The following SDK2 variants were observed in gnomAD, a reference collection of about 807,000 sequenced individuals.
SDK2 encodes the protein sidekick cell adhesion molecule 2, also known as protein sidekick-2.
A neutral mutation model predicts 253.9 loss-of-function variants in SDK2; 105 were observed. That is an observed-to-expected ratio of 0.41 (90% CI 0.35 to 0.49). The LOEUF (loss-of-function observed/expected upper bound fraction) is 0.49. Among genes scored for constraint, SDK2 ranks in the 20% least tolerant of loss-of-function variants. The pLI, the probability that SDK2 is intolerant of heterozygous loss-of-function variation, is 0.06. For missense variants in SDK2, 2,608 were observed against 3,003.0 expected, an observed-to-expected ratio of 0.87 and a Z score of 3.07; for synonymous variants, 1,249 against 1,234.9, an observed-to-expected ratio of 1.01 and a Z score of -0.24.
At chr17:73,588,779 C>T (rs999840915) in intron 1 of SDK2, among the ~76,000 whole-genome samples, 4 of 152,230 alleles carry the variant, frequency 2.6e-5, no homozygotes, top group African/African-American at 4.8e-5. Flanking sequence ...TGCCTAGGGC[C>T]GGGGCGGCAC....
intron 1 of SDK2, among the ~76,000 whole-genome samples, chr17:73,593,378 A>G (rs1428702386): frequency 6.6e-6 from 1 of 152,168 alleles, no homozygotes; most frequent in Non-Finnish European, 1.5e-5. Context: ...TGGCCACAAG[A>G]GCATCCTTCC....
chr17:73,500,142 CCCTCCACTCT>C (rs1178712913), intron 2 of SDK2, among the ~76,000 whole-genome samples: 1 of 147,766 alleles, frequency 6.8e-6, no homozygotes, highest in Non-Finnish European at 1.5e-5. Flanking sequence ...CATCCATCCT[CCCTCCACTCT>C]CCTCCATTCT....
In SDK2 at chr17:73,618,802, G is replaced by A. The variant is rs943343829; in HGVS notation, c.64+25223C>T. Among the ~76,000 whole-genome samples, 14 of 152,224 alleles carry A rather than the reference G, an allele frequency of 9.2e-5. No homozygotes were observed. The highest frequency in any genetic ancestry group is 9.2e-4 in the Admixed American group (14 of 15,286). ...AGGTGGAGGGTCTGTGTCTGGCACA[G>A]CAGAGCAAATGCCTACCAGAGCACA... On this transcript the variant is annotated intron_variant, in intron 1 of 44. Coordinates refer to ENST00000392650, the MANE Select transcript of SDK2 (RefSeq NM_001144952.2). The surrounding 1 kb of genome is among the most constrained non-coding windows in gnomAD (Gnocchi z 4.1).
chr17:73,455,144 G>A lies in SDK2; in HGVS notation c.479+762C>T, dbSNP rs546692751. 4.6e-5 allele frequency among the ~76,000 whole-genome samples: 7 copies of A among 152,208 alleles called. No individual in the cohort carries two copies. The highest frequency in any genetic ancestry group is 2.1e-4 in the South Asian group (1 of 4,822). On this transcript the variant is annotated intron_variant, in intron 4 of 44. Transcript: ENST00000392650. This position sits in a 1 kb window ranked among gnomAD's most constrained non-coding sequence, Gnocchi z 5.0. ...AGGACAGGCTCAGTCCTGTGTACAC[G>A]CAGCCTGGGTAGATCAGAAGGTGGT...
chr17:73,419,728 C>A lies in SDK2; in HGVS notation c.2046-422G>T, dbSNP rs1351297129. Among the ~76,000 whole-genome samples, 114 of 19,636 alleles carry A rather than the reference C, an allele frequency of 5.8e-3. 20 individuals carry two copies. Among genetic ancestry groups the A allele is most frequent in the Middle Eastern group, 0.021 (1 of 48 alleles). The allele number at this position is 19,636 out of a possible 152,430, so 12.9% of individuals were successfully genotyped here. ...CTACCAAAAAAAACAACAAAAAAAA[C>A]CCAAAAAAACTCCCTCCTGGTGACT... On this transcript the variant is annotated intron_variant, in intron 15 of 44. Coordinates refer to ENST00000392650, the MANE Select transcript of SDK2 (RefSeq NM_001144952.2).
At chr17:73,427,225 C>T in intron 12 of SDK2, among the ~76,000 whole-genome samples, 1 of 152,182 alleles carries the variant, frequency 6.6e-6, no homozygotes, top group South Asian at 2.1e-4. Context: ...TTAGCAGTTA[C>T]TGAAATTGAA....
At chr17:73,354,350 C>T (rs1206535025) in intron 40 of SDK2, among the ~76,000 whole-genome samples, 1 of 152,210 alleles carries the variant, frequency 6.6e-6, no homozygotes, top group African/African-American at 2.4e-5. Context: ...GGACATAATT[C>T]ACCTTCATGC....
intron 2 of SDK2, among the ~76,000 whole-genome samples, chr17:73,502,750 A>G (rs1467277436): frequency 6.6e-6 from 1 of 152,232 alleles, no homozygotes; most frequent in Non-Finnish European, 1.5e-5. Flanking sequence ...AGACTCTTCA[A>G]TGGATACTAA....
At position 73,410,175 on chromosome 17, in the gene SDK2, G is replaced by A. The variant is rs543798451; in HGVS notation, c.2484+4469C>T. On this transcript the variant is annotated intron_variant, in intron 18 of 44. Transcript: ENST00000392650. Reference sequence around the variant, plus strand: ...AGCCTGACATTTCTTTTTAATGTAAGGAAAAGTGAAGGCTCTGGTTTGAAT... The same window carrying A: ...AGCCTGACATTTCTTTTTAATGTAAAGAAAAGTGAAGGCTCTGGTTTGAAT... Among the ~76,000 whole-genome samples the A allele has an allele frequency of 7.2e-5, 11 of 152,228 alleles. No individual in the cohort carries two copies. The East Asian group carries it at 2.1e-3, about 29-fold the overall frequency.
chr17:73,407,300 G>C (rs925704329), intron 18 of SDK2, among the ~76,000 whole-genome samples: 20 of 152,132 alleles, frequency 1.3e-4, no homozygotes, highest in African/African-American at 4.8e-4. Flanking sequence ...TTGCAAGGAA[G>C]CTATCAGAGA....
At chr17:73,414,261 G>C (rs1481373600) in intron 18 of SDK2, among the ~76,000 whole-genome samples, 1 of 151,942 alleles carries the variant, frequency 6.6e-6, no homozygotes, top group Non-Finnish European at 1.5e-5. Flanking sequence ...TGTTGGCCAG[G>C]CTGGTCTTGA....
chr17:73,563,844 C>G (rs985964203), intron 1 of SDK2, among the ~76,000 whole-genome samples: 1 of 151,936 alleles, frequency 6.6e-6, no homozygotes, highest in Non-Finnish European at 1.5e-5. Flanking sequence ...ACCATCATGG[C>G]TTACTGCAGC....
Position 73,511,494 on chromosome 17 carries a change from C to T in SDK2, c.65-3897G>A, listed in dbSNP as rs1454287386. Among the ~76,000 whole-genome samples the T allele has an allele frequency of 6.6e-6, 1 of 152,200 alleles. No individual in the cohort carries two copies. Among genetic ancestry groups the T allele is most frequent in the African/African-American group, 2.4e-5 (1 of 41,454 alleles). On this transcript the variant is annotated intron_variant, in intron 1 of 44. Coordinates refer to ENST00000392650, the MANE Select transcript of SDK2 (RefSeq NM_001144952.2). The surrounding 1 kb of genome is among the most constrained non-coding windows in gnomAD (Gnocchi z 4.9). ...CCAGCCTGCAGCAGAATGACTTTTG[C>T]TTGGATGGGTTGACTCCAGAGGCTG...
At position 73,395,375 on chromosome 17, in the gene SDK2, T is replaced by C. The variant is rs1193930649; in HGVS notation, c.3372A>G (p.Glu1124=). 6.2e-7 allele frequency: 1 copy of C among 1,613,892 alleles called. No individual in the cohort carries two copies. The highest frequency in any genetic ancestry group is 1.7e-5 in the Admixed American group (1 of 60,018). Residue 1124 remains glutamate (E), a synonymous_variant, in exon 25 of 45, where the codon GAA becomes GAG. Transcript: ENST00000392650. This position sits in a 1 kb window ranked among gnomAD's most constrained non-coding sequence, Gnocchi z 4.3. ...WLRWMPLPEM[E]YNGNPESVGY... is the part of the protein sequence containing the mutation. ...CCACGGACTCAGGGTTCCCATTGTA[T>C]TCCATCTCCGGGAGAGGCTGCAGCG...
chr17:73,380,879 T>C lies in SDK2; in HGVS notation c.4762+15A>G. The C allele has an allele frequency of 6.4e-7, 1 of 1,559,836 alleles. No homozygotes were observed. The highest frequency in any genetic ancestry group is 8.7e-7 in the Non-Finnish European group (1 of 1,151,820). ...GCCTGGGCCCGCGATGAAGCCACCA[T>C]GCAAGGAGACTTACTGTCCAGCTCG... On this transcript the variant is annotated intron_variant, in intron 34 of 44. Coordinates refer to ENST00000392650, the MANE Select transcript of SDK2 (RefSeq NM_001144952.2).
intron 3 of SDK2, among the ~76,000 whole-genome samples, chr17:73,462,130 T>C (rs1329292755): frequency 6.6e-6 from 1 of 152,080 alleles, no homozygotes; most frequent in African/African-American, 2.4e-5. Flanking sequence ...CATGCATGCA[T>C]GTTTGGTGGG....
intron 1 of SDK2, among the ~76,000 whole-genome samples, chr17:73,588,203 C>T (rs1047490409): frequency 2.0e-4 from 29 of 148,446 alleles, no homozygotes; most frequent in African/African-American, 7.1e-4. Context: ...AGAGACCCCC[C>T]CCCCTCCCCC....
Position 73,509,902 on chromosome 17 carries a change from C to CAAAAAAAAAAAAAAAAAAAAA in SDK2, c.65-2306_65-2305insTTTTTTTTTTTTTTTTTTTTT, listed in dbSNP as rs71157018. On this transcript the variant is annotated intron_variant, in intron 1 of 44. Transcript: ENST00000392650. ...GCAACAGAGCAAGACTCCATCTCTA[C>CAAAAAAAAAAAAAAAAAAAAA]AAAAAAAAAAAAAAAAAAAAGAAGG... Among the ~76,000 whole-genome samples, 238 of 25,310 alleles carry CAAAAAAAAAAAAAAAAAAAAA rather than the reference C, an allele frequency of 9.4e-3. 28 individuals are homozygous for CAAAAAAAAAAAAAAAAAAAAA. Among genetic ancestry groups the CAAAAAAAAAAAAAAAAAAAAA allele is most frequent in the Non-Finnish European group, 0.012 (174 of 14,232 alleles). The allele number at this position is 25,310 out of a possible 152,430, so 16.6% of individuals were successfully genotyped here. A position where few individuals can be genotyped will look rare whatever the true frequency, so the allele number is the denominator to read the frequency against.
chr17:73,373,466 T>C (rs1452278147), intron 36 of SDK2, among the ~76,000 whole-genome samples: 1 of 152,210 alleles, frequency 6.6e-6, no homozygotes, highest in Non-Finnish European at 1.5e-5. Context: ...TGTACTGATA[T>C]ACGTTCCCAC....
Sources: gnomAD v4.1 joint callset for allele counts (sites outside exome capture counted in the v4.1 genomes callset) on GRCh38, gnomAD v4.1.1 for gene constraint, Gnocchi (gnomAD v3.1) non-coding constraint, MANE v1.5 for transcripts, NCBI Gene and HGNC (gene_info 2026-07-23, HGNC 2026-07-21) for gene names.